Variants in IFT88 observed in about 807,000 individuals in gnomAD.
IFT88 encodes intraflagellar transport 88, also known as intraflagellar transport protein 88 homolog.
A neutral mutation model predicts 119.5 loss-of-function variants in IFT88; 74 were observed. The ratio of observed to expected loss-of-function variants is 0.62; its 90% CI spans 0.51 to 0.75. The LOEUF is 0.75. Among genes scored for constraint, IFT88 ranks in the 30% least tolerant of loss-of-function variants. The pLI, the probability that IFT88 is intolerant of heterozygous loss-of-function variation, is 0.00. For synonymous variants in IFT88, 279 were observed against 316.7 expected (o/e 0.88, Z 1.26); for missense variants, 961 against 977.7 (o/e 0.98, Z 0.23).
chr13:20,567,730 C>T, intron 1 of IFT88: 1 of 1,291,238 alleles, frequency 7.7e-7, no homozygotes, highest in Non-Finnish European at 9.8e-7. Flanking sequence ...AAGTACACAA[C>T]AATGCAGAAA....
At position 20,625,754 on chromosome 13, in the gene IFT88, G is replaced by A. The variant is rs774865616; in HGVS notation, c.1204G>A (p.Val402Met). ...TSFAAGYDWCVEVVKASQYVE... is the reference protein window; with the variant it reads ...TSFAAGYDWCMEVVKASQYVE... Reference sequence around the variant, plus strand: ...TTTTTATGCTTTCCCTTATAGGTGCGTGGAAGTGGTGAAAGCTTCTCAATA... The same window carrying A: ...TTTTTATGCTTTCCCTTATAGGTGCATGGAAGTGGTGAAAGCTTCTCAATA... The change falls in exon 15 of 26, where the codon GTG becomes ATG. Residue 402 changes from valine to methionine, a missense_variant. Physicochemically the swap from Val to Met is conservative, Grantham distance 21. Transcript: ENST00000351808. 7 of 1,595,360 alleles carry A rather than the reference G, an allele frequency of 4.4e-6. No individual in the cohort carries two copies. The South Asian group carries it at 5.7e-5, about 13-fold the overall frequency.
chr13:20,657,483 G>A (rs2053031445), intron 22 of IFT88, among the ~76,000 whole-genome samples: 1 of 152,154 alleles, frequency 6.6e-6, no homozygotes, highest in African/African-American at 2.4e-5. Context: ...AATTTATTGG[G>A]AAGAAGAAGT....
intron 22 of IFT88, among the ~76,000 whole-genome samples, chr13:20,657,135 C>T (rs370363695): frequency 6.6e-6 from 1 of 152,174 alleles, no homozygotes; most frequent in Admixed American, 6.5e-5. Flanking sequence ...GGATTACAGG[C>T]GTGAGCCACT....
chr13:20,567,438 A>T (rs970265197), intron 1 of IFT88, among the ~76,000 whole-genome samples, 182 bp downstream of exon 1: 3 of 152,168 alleles, frequency 2.0e-5, no homozygotes, highest in African/African-American at 7.2e-5. Flanking sequence ...TTTCTTCCTC[A>T]GGCTCCCGAG....
chr13:20,653,843 T>G (rs370208292), intron 20 of IFT88, 33 bp from the exon 21 acceptor site: 31 of 1,296,426 alleles, frequency 2.4e-5, no homozygotes, highest in Non-Finnish European at 2.9e-5. Flanking sequence ...GATTTTTTTA[T>G]CTCTAATTTC....
chr13:20,646,287 C>T (rs1368865657), intron 20 of IFT88, among the ~76,000 whole-genome samples: 1 of 151,360 alleles, frequency 6.6e-6, no homozygotes, highest in African/African-American at 2.4e-5. Flanking sequence ...ACATTTACAC[C>T]AATAAAATCT....
chr13:20,571,701 T>G (rs935413236), intron 1 of IFT88, among the ~76,000 whole-genome samples: 3 of 152,166 alleles, frequency 2.0e-5, no homozygotes, highest in Admixed American at 2.0e-4. Flanking sequence ...AAAGGAGAAG[T>G]GTCATGTAGT....
intron 16 of IFT88, among the ~76,000 whole-genome samples, chr13:20,634,150 C>T (rs564814404): frequency 6.6e-6 from 1 of 152,136 alleles, no homozygotes; most frequent in Non-Finnish European, 1.5e-5. Flanking sequence ...GAGCAAACCC[C>T]AGTACACAGG....
intron 12 of IFT88, among the ~76,000 whole-genome samples, chr13:20,604,582 C>A (rs558670151): frequency 6.6e-6 from 1 of 152,256 alleles, no homozygotes; most frequent in East Asian, 1.9e-4. Context: ...AAAGAAAGTT[C>A]TAATTTACAT....
chr13:20,678,353 G>A (rs4770067), intron 24 of IFT88, among the ~76,000 whole-genome samples: 105,750 of 152,156 alleles, frequency 0.7, 37,844 homozygotes, highest in East Asian at 1. Flanking sequence ...GCTGACAGCC[G>A]TCAGAGCTGA....
intron 14 of IFT88, among the ~76,000 whole-genome samples, chr13:20,622,186 G>A (rs2046648703): frequency 6.6e-6 from 1 of 152,092 alleles, no homozygotes; most frequent in Admixed American, 6.6e-5. Flanking sequence ...ATCATATTAT[G>A]TCTGTGCTCA....
intron 15 of IFT88, among the ~76,000 whole-genome samples, chr13:20,626,581 C>T (rs987402016): frequency 3.3e-5 from 5 of 152,124 alleles, no homozygotes; most frequent in Non-Finnish European, 5.9e-5. Flanking sequence ...GTTTGGTTTC[C>T]TCATTGACAC....
intron 3 of IFT88, among the ~76,000 whole-genome samples, chr13:20,586,610 A>G (rs944137314): frequency 6.6e-6 from 1 of 152,180 alleles, no homozygotes; most frequent in Admixed American, 6.5e-5. Context: ...GAGCTGCCCA[A>G]TGCTAACAAC....
chr13:20,615,348 T>C (rs76606061), intron 13 of IFT88, among the ~76,000 whole-genome samples: 21,280 of 152,226 alleles, frequency 0.14, 2,428 homozygotes, highest in East Asian at 0.34. Flanking sequence ...CGTGTACATA[T>C]ACATATACAC....
At chr13:20,580,730 T>C (rs558041020) in intron 2 of IFT88, among the ~76,000 whole-genome samples, 12 of 146,106 alleles carry the variant, frequency 8.2e-5, no homozygotes, top group African/African-American at 1.5e-4. Flanking sequence ...TTTTCTTTTT[T>C]TTTTTTTTTT....
At chr13:20,586,814 T>C (rs180984082) in intron 3 of IFT88, among the ~76,000 whole-genome samples, 1 of 152,318 alleles carries the variant, frequency 6.6e-6, no homozygotes, top group East Asian at 1.9e-4. Flanking sequence ...TACCTTCCAA[T>C]GTCTAAAGTT....
intron 13 of IFT88, 60 bp downstream of exon 13, chr13:20,605,165 T>G: frequency 1.5e-6 from 1 of 686,388 alleles, no homozygotes; most frequent in Non-Finnish European, 2.4e-6. Context: ...ATTTAATGTT[T>G]AGTATTAAGA....
At chr13:20,569,613 G>A (rs1281316820) in intron 1 of IFT88, among the ~76,000 whole-genome samples, 1 of 152,012 alleles carries the variant, frequency 6.6e-6, no homozygotes, top group Admixed American at 6.6e-5. Context: ...TGCTTCAGAG[G>A]ATAGTACAAA....
chr13:20,644,961 A>G lies in IFT88; in HGVS notation c.1949+3A>G. On this transcript the variant is annotated splice_donor_region_variant and intron_variant, in intron 20 of 25. Transcript: ENST00000351808. ...TTTGAAAGAGCTTCTCTTATACAGT[A>G]AGTAATCATTAGGATTTTATGTTTA... 1 of 1,342,964 alleles carries G rather than the reference A, an allele frequency of 7.4e-7. No individual in the cohort carries two copies. The highest frequency in any genetic ancestry group is 1.1e-6 in the Non-Finnish European group (1 of 945,640). 83.2% of individuals were successfully genotyped at this position (1,342,964 alleles called of 1,614,324 possible).
Sources: gnomAD v4.1 joint callset for allele counts (sites outside exome capture counted in the v4.1 genomes callset) on GRCh38, gnomAD v4.1.1 for gene constraint, MANE v1.5 for transcripts, NCBI Gene and HGNC (gene_info 2026-07-23, HGNC 2026-07-21) for gene names.